Variants in STAM2 observed in about 807,000 individuals in gnomAD.
STAM2 encodes the protein signal transducing adapter molecule 2.
STAM2 carries 51 observed loss-of-function variants against 65.6 expected under a neutral mutation model. The ratio of observed to expected loss-of-function variants is 0.78; its 90% confidence interval spans 0.62 to 0.98. The LOEUF (loss-of-function observed/expected upper bound fraction) is 0.98. STAM2 is among the 50% of genes least tolerant of loss of function. The probability of loss-of-function intolerance (pLI) is 0.00; values close to 1 mark genes in which losing one functional copy is unlikely to be tolerated. For synonymous variants in STAM2, 198 were observed against 208.4 expected (o/e 0.95, Z 0.43); for missense variants, 584 against 617.8 (o/e 0.95, Z 0.58).
intron 1 of STAM2, among the ~76,000 whole-genome samples, chr2:152,165,876 A>G (rs1202262819): frequency 6.6e-6 from 1 of 152,258 alleles, no homozygotes; most frequent in Non-Finnish European, 1.5e-5. Flanking sequence ...AAACGTGCCC[A>G]AAATCAAGAG....
At chr2:152,173,559 G>C (rs1054573503) in intron 1 of STAM2, among the ~76,000 whole-genome samples, 1 of 151,748 alleles carries the variant, frequency 6.6e-6, no homozygotes, top group African/African-American at 2.4e-5. Context: ...ACCATGCCTG[G>C]CTAATTTTTT....
chr2:152,162,279 C>A (rs1689694179), intron 1 of STAM2, among the ~76,000 whole-genome samples: 1 of 152,246 alleles, frequency 6.6e-6, no homozygotes, highest in Admixed American at 6.5e-5. Flanking sequence ...TGAAGGATCC[C>A]CATAAGTGGG....
In STAM2 at chr2:152,123,901, A is replaced by G; in HGVS notation, c.1214T>C (p.Met405Thr). The G allele has an allele frequency of 1.2e-6, 2 of 1,614,156 alleles. No homozygotes were observed. The highest frequency in any genetic ancestry group is 1.7e-6 in the Non-Finnish European group (2 of 1,180,014). Residue 405 changes from methionine (M) to threonine (T), a missense_variant, in exon 13 of 14, where the codon ATG (methionine) becomes ACG (threonine). By Grantham distance (81) the Met-to-Thr change is moderately conservative. Coordinates refer to ENST00000263904, the MANE Select transcript of STAM2 (RefSeq NM_005843.6). The part of the protein sequence containing the change: ...YPVQSHGGNY[M>T]GQSIHQVTVA... ...AGTTACTTGGTGAATGCTCTGACCC[A>G]TATAGTTTCCACCATGTGATTGAAC...
chr2:152,175,562 G>C, intron 1 of STAM2, 41 bp downstream of exon 1: 6 of 1,613,122 alleles, frequency 3.7e-6, no homozygotes, highest in Non-Finnish European at 5.1e-6. Context: ...AGCAGTCCAG[G>C]GCCAGGCACA....
chr2:152,142,653 A>G (rs1689268908), intron 7 of STAM2, among the ~76,000 whole-genome samples: 1 of 152,246 alleles, frequency 6.6e-6, no homozygotes, highest in Non-Finnish European at 1.5e-5. Flanking sequence ...ATACTTTATT[A>G]TAATAAATAG....
rs941223884 is a variant in STAM2 at position 152,147,247 on chromosome 2, T to C, written c.362A>G (p.Gln121Arg). ...TATCAGACTAAACTGAGGGTCCTTC[T>C]GAAATTCTTCTGACCACTCCACCAT... ...SLMVEWSEEF[Q>R]KDPQFSLISA... The change falls in exon 5 of 14, where the codon CAG becomes CGG. Residue 121 changes from glutamine to arginine, a missense_variant. Transcript: ENST00000263904. 2 of 1,611,892 alleles carry C rather than the reference T, an allele frequency of 1.2e-6. No homozygotes were observed. The highest frequency in any genetic ancestry group is 1.7e-6 in the Non-Finnish European group (2 of 1,179,168).
intron 1 of STAM2, among the ~76,000 whole-genome samples, chr2:152,153,193 G>T (rs1285068633): frequency 1.3e-5 from 2 of 152,050 alleles, no homozygotes; most frequent in Admixed American, 1.3e-4. Flanking sequence ...GAGAGGTGGA[G>T]ATATAAAAAG....
intron 7 of STAM2, among the ~76,000 whole-genome samples, chr2:152,140,770 AC>A (rs1218163315): frequency 6.6e-6 from 1 of 152,206 alleles, no homozygotes; most frequent in Non-Finnish European, 1.5e-5. Flanking sequence ...GCTACAGAGG[AC>A]TAAGCAGAAA....
chr2:152,131,781 G>A, intron 11 of STAM2: 1 of 256,248 alleles, frequency 3.9e-6, no homozygotes. Flanking sequence ...GCAATGATGG[G>A]CACGGCATGC....
In STAM2 at chr2:152,144,110, TTTTA is replaced by T. The variant is rs2105545586; in HGVS notation, c.518-101_518-98del. On this transcript the variant is annotated intron_variant, in intron 6 of 13. Transcript: ENST00000263904. ...AAATTTAATAAGAATAAATCAAGCATTTTATTTGTCTAATTACATGCTACAGTTA... is the reference window on the plus strand; with the variant it reads ...AAATTTAATAAGAATAAATCAAGCATTTTGTCTAATTACATGCTACAGTTA... 3 of 1,167,654 alleles carry T rather than the reference TTTTA, an allele frequency of 2.6e-6. 1 individual carries two copies. The South Asian group carries it at 4.4e-5, about 17-fold the overall frequency. 72.3% of individuals were successfully genotyped at this position (1,167,654 alleles called of 1,614,324 possible). A position where few individuals can be genotyped will look rare whatever the true frequency, so the allele number is the denominator to read the frequency against.
chr2:152,146,221 A>C (rs1388604415), intron 5 of STAM2, among the ~76,000 whole-genome samples: 1 of 141,292 alleles, frequency 7.1e-6, no homozygotes. Flanking sequence ...CAGTGAGCTG[A>C]GGTTGTGCCA....
At chr2:152,153,321 G>A (rs560696942) in intron 1 of STAM2, among the ~76,000 whole-genome samples, 1 of 150,772 alleles carries the variant, frequency 6.6e-6, no homozygotes. Context: ...TGAATGACAG[G>A]TAATATCACA....
At chr2:152,171,118 G>T (rs76137960) in intron 1 of STAM2, among the ~76,000 whole-genome samples, 2,770 of 152,228 alleles carry the variant, frequency 0.018, 70 homozygotes, top group Non-Finnish European at 0.019. Context: ...TACTATTAAA[G>T]AGAATTTCTA....
intron 11 of STAM2, 51 bp from the exon 12 acceptor site, chr2:152,126,430 T>A: frequency 8.9e-7 from 1 of 1,125,852 alleles, no homozygotes; most frequent in Non-Finnish European, 1.2e-6. Context: ...TAGCATGTAT[T>A]TAGTAATATA....
At chr2:152,149,086 T>C (rs1689391526) in intron 2 of STAM2, among the ~76,000 whole-genome samples, 1 of 152,222 alleles carries the variant, frequency 6.6e-6, no homozygotes, top group African/African-American at 2.4e-5. Context: ...AAAAGCACTT[T>C]TTTATATTCA....
chr2:152,167,172 T>G (rs1689803159), intron 1 of STAM2, among the ~76,000 whole-genome samples: 1 of 152,210 alleles, frequency 6.6e-6, no homozygotes, highest in Non-Finnish European at 1.5e-5. Context: ...CTGGAACTAC[T>G]TCACAAGACA....
intron 1 of STAM2, among the ~76,000 whole-genome samples, chr2:152,162,401 C>A (rs890945385): frequency 2.6e-5 from 4 of 151,652 alleles, no homozygotes; most frequent in Admixed American, 1.3e-4. Flanking sequence ...TAGTGAGATC[C>A]CTCACCTCTT....
chr2:152,165,148 G>C (rs1036481169), intron 1 of STAM2, among the ~76,000 whole-genome samples: 1 of 152,090 alleles, frequency 6.6e-6, no homozygotes, highest in South Asian at 2.1e-4. Context: ...TGAGTCGGTC[G>C]GGCGCGGTGG....
Position 152,120,412 on chromosome 2 carries a change from A to AC in STAM2, c.*161_*162insG. ...ACTGGACTGAAAAAAAAAAAAAAAA[A>AC]AAACCTTTTATGGCCTTGTAGAATA... On this transcript the variant is annotated 3_prime_UTR_variant, in exon 14 of 14. Transcript: ENST00000263904. 1.7e-6 allele frequency: 1 copy of AC among 573,170 alleles called. No individual in the cohort carries two copies. Among genetic ancestry groups the AC allele is most frequent in the Non-Finnish European group, 3.0e-6 (1 of 336,136 alleles). The allele number at this position is 573,170 out of a possible 1,614,324, so 35.5% of individuals were successfully genotyped here.
Sources: allele counts gnomAD v4.1 joint callset (sites outside exome capture counted in the v4.1 genomes callset), GRCh38; gene constraint gnomAD v4.1.1; transcripts MANE v1.5; gene names NCBI Gene and HGNC (gene_info 2026-07-23, HGNC 2026-07-21).